PDE4D: variants seen among roughly 807,000 people sequenced by gnomAD.
PDE4D encodes 3',5'-cyclic-AMP phosphodiesterase 4D.
Under a neutral mutation model 87.4 loss-of-function variants are expected in PDE4D, and 24 were observed. That is an observed-to-expected ratio of 0.27 (90% confidence interval 0.20 to 0.39). The LOEUF (loss-of-function observed/expected upper bound fraction) is 0.39. Among genes scored for constraint, PDE4D ranks in the 10% least tolerant of loss-of-function variants. PDE4D has a pLI of 1.00. For missense variants in PDE4D, 714 were observed against 1,041.0 expected (o/e 0.69, Z 4.32); for synonymous variants, 384 against 383.2 (o/e 1.00, Z -0.02).
intron 1 of PDE4D, among the ~76,000 whole-genome samples, chr5:59,588,351 A>G (rs923489787): frequency 3.9e-5 from 6 of 152,214 alleles, no homozygotes; most frequent in Admixed American, 2.6e-4. Flanking sequence ...TTGTAATAGT[A>G]GGTTGGCACT....
intron 5 of PDE4D, among the ~76,000 whole-genome samples, chr5:59,138,013 C>T (rs567505334): frequency 6.6e-6 from 1 of 152,318 alleles, no homozygotes; most frequent in African/African-American, 2.4e-5. Context: ...GGCACAATAG[C>T]CCCTAGCAAC....
chr5:59,840,009 G>C (rs1292212707), intron 1 of PDE4D, among the ~76,000 whole-genome samples: 1 of 151,976 alleles, frequency 6.6e-6, no homozygotes, highest in East Asian at 1.9e-4. Flanking sequence ...GTGGTGGGGG[G>C]CTCCCCATGT....
At chr5:60,206,701 AT>A in intron 1 of PDE4D, among the ~76,000 whole-genome samples, 1 of 152,236 alleles carries the variant, frequency 6.6e-6, no homozygotes, top group East Asian at 1.9e-4. Flanking sequence ...ACATTTTACT[AT>A]CTATCCTAAA....
chr5:59,112,440 T>C (rs1772833405), intron 5 of PDE4D, among the ~76,000 whole-genome samples: 2 of 152,192 alleles, frequency 1.3e-5, no homozygotes, highest in Admixed American at 6.5e-5. Flanking sequence ...TAGACTGTTA[T>C]GCAGCAAGAG....
chr5:60,167,178 C>A (rs1390748646), intron 2 of PDE4D, among the ~76,000 whole-genome samples: 1 of 151,904 alleles, frequency 6.6e-6, no homozygotes, highest in Non-Finnish European at 1.5e-5. Context: ...ACCAATGACT[C>A]AAACATTTGT....
intron 11 of PDE4D, among the ~76,000 whole-genome samples, chr5:58,986,554 C>G (rs1746465491): frequency 6.6e-6 from 1 of 152,202 alleles, no homozygotes; most frequent in Admixed American, 6.5e-5. Flanking sequence ...ACATTAGATT[C>G]TCCTAGGAGC....
intron 1 of PDE4D, among the ~76,000 whole-genome samples, chr5:59,246,873 A>G (rs1481471216): frequency 1.3e-5 from 2 of 152,152 alleles, no homozygotes; most frequent in East Asian, 3.9e-4. Flanking sequence ...CTACAACTAA[A>G]TATTTATAAC....
chr5:59,775,504 CAA>C (rs57109312), intron 1 of PDE4D, among the ~76,000 whole-genome samples: 9,703 of 149,232 alleles, frequency 0.065, 918 homozygotes, highest in African/African-American at 0.22. Flanking sequence ...AACTGACATA[CAA>C]AAAAAAAATT....
chr5:59,193,421 A>G, intron 3 of PDE4D, 79 bp downstream of exon 3: 1 of 1,260,818 alleles, frequency 7.9e-7, no homozygotes, highest in Non-Finnish European at 1.1e-6. Context: ...AATTAAATTA[A>G]ATTAATAACC....
intron 5 of PDE4D, among the ~76,000 whole-genome samples, chr5:59,066,037 G>A (rs1031581820): frequency 7.9e-5 from 12 of 151,894 alleles, no homozygotes; most frequent in Admixed American, 2.6e-4. Context: ...CTTGCTTTTC[G>A]GATGCTGTTC....
chr5:59,859,919 A>G (rs991855150), intron 1 of PDE4D, among the ~76,000 whole-genome samples: 5 of 152,158 alleles, frequency 3.3e-5, no homozygotes, highest in African/African-American at 1.2e-4. Context: ...AATGCTAAGG[A>G]TGGGTGTGCA....
chr5:59,318,736 TTC>T (rs762566486), intron 1 of PDE4D, among the ~76,000 whole-genome samples: 50 of 152,242 alleles, frequency 3.3e-4, no homozygotes, highest in Non-Finnish European at 6.3e-4. Flanking sequence ...TTTTTTTAAC[TTC>T]TTTTTTCACA....
chr5:59,061,872 A>G (rs748505289), intron 5 of PDE4D, among the ~76,000 whole-genome samples: 2 of 152,158 alleles, frequency 1.3e-5, no homozygotes, highest in South Asian at 4.1e-4. Flanking sequence ...GATAGCAAGT[A>G]TAAAACGGCT....
At chr5:58,982,219 C>G (rs4629551) in intron 11 of PDE4D, among the ~76,000 whole-genome samples, 131,788 of 152,250 alleles carry the variant, frequency 0.87, 57,100 homozygotes, top group African/African-American at 0.91. Context: ...TCTGGTTATG[C>G]GAGAAATAGC....
At chr5:59,900,418 C>T (rs1320405655) in intron 3 of PDE4D, among the ~76,000 whole-genome samples, 2 of 151,868 alleles carry the variant, frequency 1.3e-5, no homozygotes, top group Non-Finnish European at 2.9e-5. Context: ...CAAAGATTTA[C>T]TATAAGTGAA....
intron 1 of PDE4D, among the ~76,000 whole-genome samples, chr5:59,387,335 T>C (rs1346609524): frequency 1.3e-5 from 2 of 152,178 alleles, no homozygotes; most frequent in African/African-American, 4.8e-5. Context: ...TACCTGTTGA[T>C]ATTAGCATTC....
At chr5:60,429,614 G>A (rs1583733385) in intron 1 of PDE4D, among the ~76,000 whole-genome samples, 1 of 152,200 alleles carries the variant, frequency 6.6e-6, no homozygotes, top group African/African-American at 2.4e-5. Flanking sequence ...TGTTGTGGAT[G>A]GCTTACTATT....
chr5:59,708,842 C>T (rs1057439230), intron 1 of PDE4D, among the ~76,000 whole-genome samples: 16 of 150,954 alleles, frequency 1.1e-4, no homozygotes, highest in African/African-American at 3.9e-4. Context: ...CTACTTAGGA[C>T]GTGAAAGTCA....
At chr5:59,122,561 A>G (rs1439930619) in intron 5 of PDE4D, among the ~76,000 whole-genome samples, 1 of 152,222 alleles carries the variant, frequency 6.6e-6, no homozygotes, top group Non-Finnish European at 1.5e-5. Flanking sequence ...CATGATAAAT[A>G]CTTGAGGTGA....
Sources: gnomAD v4.1 joint callset for allele counts (sites outside exome capture counted in the v4.1 genomes callset) on GRCh38, gnomAD v4.1.1 for gene constraint, MANE v1.5 for transcripts, NCBI Gene and HGNC (gene_info 2026-07-23, HGNC 2026-07-21) for gene names.